DPP10: variants seen among roughly 807,000 people sequenced by gnomAD.
DPP10 encodes the protein inactive dipeptidyl peptidase 10.
DPP10 carries 33 observed loss-of-function variants against 120.9 expected under a neutral mutation model. The observed-to-expected ratio is 0.27, with a 90% CI of 0.21 to 0.37. The LOEUF (loss-of-function observed/expected upper bound fraction) is 0.37. DPP10 is among the 10% of genes least tolerant of loss of function. The pLI is 1.00. For missense variants in DPP10, 816 were observed against 942.8 expected (o/e 0.87, Z 1.76); for synonymous variants, 337 against 326.1 (o/e 1.03, Z -0.36).
intron 1 of DPP10, among the ~76,000 whole-genome samples, chr2:114,764,783 G>A (rs1357607420): frequency 1.3e-5 from 2 of 152,132 alleles, no homozygotes; most frequent in South Asian, 2.1e-4. Flanking sequence ...GAGTGGGAAA[G>A]TGTTTCCTTC....
At chr2:115,572,505 A>G (rs2081394075) in intron 5 of DPP10, among the ~76,000 whole-genome samples, 1 of 152,210 alleles carries the variant, frequency 6.6e-6, no homozygotes, top group African/African-American at 2.4e-5. Context: ...AAACACAGAT[A>G]TGCTATATGT....
intron 5 of DPP10, among the ~76,000 whole-genome samples, chr2:115,602,720 T>C (rs951851651): frequency 1.3e-5 from 2 of 152,150 alleles, no homozygotes; most frequent in Non-Finnish European, 2.9e-5. Flanking sequence ...TGGCACAGCC[T>C]GGGGATACAC....
At chr2:114,954,706 C>T (rs1429735112) in intron 1 of DPP10, among the ~76,000 whole-genome samples, 4 of 151,802 alleles carry the variant, frequency 2.6e-5, no homozygotes, top group Non-Finnish European at 5.9e-5. Flanking sequence ...GTTGATATAC[C>T]TTTAGCCAGA....
intron 2 of DPP10, among the ~76,000 whole-genome samples, chr2:115,320,535 T>A (rs1019842762): frequency 1.3e-5 from 2 of 152,042 alleles, no homozygotes; most frequent in African/African-American, 2.4e-5. Context: ...ATAATTCATA[T>A]TTTAAATTTA....
At chr2:114,895,218 A>T (rs1692865624) in intron 1 of DPP10, among the ~76,000 whole-genome samples, 1 of 152,242 alleles carries the variant, frequency 6.6e-6, no homozygotes, top group Non-Finnish European at 1.5e-5. Context: ...CTTGAAAAAT[A>T]AAACGACGTG....
At chr2:115,241,567 C>T (rs898892253) in intron 1 of DPP10, among the ~76,000 whole-genome samples, 2 of 152,190 alleles carry the variant, frequency 1.3e-5, no homozygotes, top group Admixed American at 1.3e-4. Context: ...ATTGCTCTCT[C>T]TCTCCCCTAC....
At chr2:115,076,726 A>G (rs1707830105) in intron 1 of DPP10, among the ~76,000 whole-genome samples, 1 of 152,158 alleles carries the variant, frequency 6.6e-6, no homozygotes, top group South Asian at 2.1e-4. Context: ...CAAATGTAGC[A>G]TAATATAGTC....
chr2:114,690,422 A>G (rs1699660644), intron 1 of DPP10, among the ~76,000 whole-genome samples: 1 of 151,828 alleles, frequency 6.6e-6, no homozygotes, highest in South Asian at 2.1e-4. Flanking sequence ...TGAGTTCTTC[A>G]TTCTGTTCCA....
intron 1 of DPP10, among the ~76,000 whole-genome samples, chr2:114,767,029 A>C (rs1680765726): frequency 6.6e-6 from 1 of 151,236 alleles, no homozygotes; most frequent in Admixed American, 6.6e-5. Context: ...CTAGAGCGAA[A>C]CTAGTGAAAA....
At chr2:114,617,200 G>A (rs555748141) in intron 1 of DPP10, among the ~76,000 whole-genome samples, 1 of 151,986 alleles carries the variant, frequency 6.6e-6, no homozygotes, top group Non-Finnish European at 1.5e-5. Context: ...GAAAACAGCC[G>A]AGAAAGACAC....
At chr2:114,519,129 C>G (rs539374385) in intron 1 of DPP10, among the ~76,000 whole-genome samples, 1 of 152,058 alleles carries the variant, frequency 6.6e-6, no homozygotes, top group Non-Finnish European at 1.5e-5. Context: ...GTTTCCTTAG[C>G]GAAAAGGAAA....
At chr2:115,394,347 T>G (rs2067518473) in intron 3 of DPP10, among the ~76,000 whole-genome samples, 1 of 151,924 alleles carries the variant, frequency 6.6e-6, no homozygotes, top group Non-Finnish European at 1.5e-5. Flanking sequence ...GTAAAAAGAT[T>G]GATAAAGCCC....
intron 5 of DPP10, among the ~76,000 whole-genome samples, chr2:115,527,907 A>G (rs2078227702): frequency 6.6e-6 from 1 of 152,136 alleles, no homozygotes. Flanking sequence ...CATACATTGC[A>G]GTTGGAATGT....
intron 1 of DPP10, among the ~76,000 whole-genome samples, chr2:114,728,594 G>A (rs1323721769): frequency 6.6e-6 from 1 of 152,160 alleles, no homozygotes; most frequent in Non-Finnish European, 1.5e-5. Context: ...AGCCAGGTCT[G>A]TCCAGAGAAG....
chr2:115,052,040 A>G (rs1396931), intron 1 of DPP10, among the ~76,000 whole-genome samples: 147,401 of 152,284 alleles, frequency 0.97, 71,543 homozygotes, highest in Middle Eastern at 1. Context: ...CTTATGTTCA[A>G]TTGATTTCAA....
chr2:115,713,942 C>T (rs2092410112), intron 7 of DPP10, among the ~76,000 whole-genome samples: 1 of 152,152 alleles, frequency 6.6e-6, no homozygotes, highest in Admixed American at 6.5e-5. Flanking sequence ...GTCCACTGCT[C>T]ATTTTCTCCT....
intron 1 of DPP10, among the ~76,000 whole-genome samples, chr2:114,973,864 G>C (rs1272361246): frequency 3.3e-5 from 5 of 151,804 alleles, no homozygotes; most frequent in African/African-American, 1.2e-4. Context: ...AGGCTAATGT[G>C]TGTGTTTTTG....
At chr2:115,248,048 G>A (rs999405985) in intron 1 of DPP10, among the ~76,000 whole-genome samples, 23 of 152,096 alleles carry the variant, frequency 1.5e-4, no homozygotes, top group African/African-American at 5.3e-4. Flanking sequence ...ATCATTGACT[G>A]CAGCAAAGAT....
intron 1 of DPP10, among the ~76,000 whole-genome samples, chr2:115,077,155 G>GA (rs1387309481): frequency 6.6e-6 from 1 of 152,078 alleles, no homozygotes; most frequent in Non-Finnish European, 1.5e-5. Flanking sequence ...AGGTGCAATG[G>GA]AATGGGCCAA....
Sources: gnomAD v4.1 joint callset for allele counts (sites outside exome capture counted in the v4.1 genomes callset) on GRCh38, gnomAD v4.1.1 for gene constraint, MANE v1.5 for transcripts, NCBI Gene and HGNC (gene_info 2026-07-23, HGNC 2026-07-21) for gene names.